IRAG1: variants seen among roughly 807,000 people sequenced by gnomAD.
IRAG1 encodes the protein inositol 1,4,5-triphosphate receptor associated 1, also known as IP3R-associated cGMP kinase substrate.
Under a neutral mutation model 106.2 loss-of-function variants are expected in IRAG1, and 62 were observed. The observed-to-expected ratio is 0.58, with a 90% CI of 0.48 to 0.72. IRAG1 has a LOEUF of 0.72. Ranked by LOEUF, IRAG1 falls within the 30% of genes least tolerant of loss-of-function variation. The pLI is 0.00. For synonymous variants in IRAG1, 462 were observed against 443.9 expected, an observed-to-expected ratio of 1.04 and a Z score of -0.51; for missense variants, 1,064 against 1,140.7, an observed-to-expected ratio of 0.93 and a Z score of 0.97.
chr11:10,690,226 C>A (rs1302857437), intron 1 of IRAG1: 2 of 363,994 alleles, frequency 5.5e-6, no homozygotes, highest in African/African-American at 4.5e-5. Context: ...TCCATCTTTA[C>A]TAAAAATGTA....
chr11:10,640,900 G>C (rs565071393), intron 2 of IRAG1, among the ~76,000 whole-genome samples: 79 of 152,306 alleles, frequency 5.2e-4, no homozygotes, highest in Non-Finnish European at 8.1e-4. Context: ...CTATCTCACA[G>C]GGTAGTTATA....
intron 18 of IRAG1, among the ~76,000 whole-genome samples, chr11:10,589,353 G>A (rs985548075): frequency 3.3e-5 from 5 of 152,142 alleles, no homozygotes; most frequent in East Asian, 3.8e-4. Flanking sequence ...CAGAAGATAC[G>A]AATTCACTTT....
chr11:10,624,597 G>A (rs186712710), intron 9 of IRAG1, among the ~76,000 whole-genome samples: 4,704 of 147,188 alleles, frequency 0.032, 117 homozygotes, highest in South Asian at 0.056. Context: ...GAGGGCACTT[G>A]GGAATGGTTT....
rs548362132 is a variant in IRAG1 at position 10,576,430 on chromosome 11, G to C, written c.2641C>G (p.Gln881Glu). Reference protein sequence around the residue: ...LYNSYNSCAEQADGPLGRSTC... With the variant: ...LYNSYNSCAEEADGPLGRSTC... ...GATCTTCCAAGGGGCCCATCAGCCT[G>C]CTCTGCACAAGAGTTATAGGAATTG... The change falls in exon 21 of 21, where the codon CAG becomes GAG. Residue 881 changes from glutamine to glutamate, a missense_variant. Coordinates refer to ENST00000423302, the MANE Select transcript of IRAG1 (RefSeq NM_130385.4). 1.9e-6 allele frequency: 3 copies of C among 1,613,992 alleles called. No individual in the cohort carries two copies. The highest frequency in any genetic ancestry group is 1.7e-5 in the Admixed American group (1 of 60,018).
At chr11:10,612,947 G>GA (rs1354476950) in intron 10 of IRAG1, among the ~76,000 whole-genome samples, 1 of 152,122 alleles carries the variant, frequency 6.6e-6, no homozygotes, top group African/African-American at 2.4e-5. Context: ...CAATTTATTG[G>GA]AAAAATGAAG....
At chr11:10,606,309 G>T (rs1050651295) in intron 12 of IRAG1, among the ~76,000 whole-genome samples, 1 of 152,198 alleles carries the variant, frequency 6.6e-6, no homozygotes, top group African/African-American at 2.4e-5. Context: ...TCCCGGCTCC[G>T]CTGAGCTGGC....
chr11:10,581,035 A>G (rs1298276562), intron 19 of IRAG1, among the ~76,000 whole-genome samples: 1 of 152,212 alleles, frequency 6.6e-6, no homozygotes, highest in Non-Finnish European at 1.5e-5. Flanking sequence ...TACTCAGTAA[A>G]TGTTTACGAA....
chr11:10,620,567 G>A (rs1306211404), intron 10 of IRAG1, among the ~76,000 whole-genome samples: 1 of 151,990 alleles, frequency 6.6e-6, no homozygotes, highest in Non-Finnish European at 1.5e-5. Context: ...GAGCTTCCTA[G>A]CAAATTAATT....
In IRAG1 at chr11:10,632,080, A is replaced by G. The variant is rs751508136; in HGVS notation, c.330-19T>C. ...GTGAACTCTGAAAGACAGAACAGTC[A>G]TCTTGTTCAGAAAATCAATCCACAA... On this transcript the variant is annotated intron_variant, in intron 3 of 20. Coordinates refer to ENST00000423302, the MANE Select transcript of IRAG1 (RefSeq NM_130385.4). The G allele has an allele frequency of 6.3e-7, 1 of 1,596,976 alleles. No individual in the cohort carries two copies. The highest frequency in any genetic ancestry group is 8.6e-7 in the Non-Finnish European group (1 of 1,164,460).
At chr11:10,598,335 G>A (rs1564899074) in intron 15 of IRAG1, among the ~76,000 whole-genome samples, 1 of 152,156 alleles carries the variant, frequency 6.6e-6, no homozygotes, top group East Asian at 1.9e-4. Flanking sequence ...TTAGACAAAG[G>A]TTTGCTTTAT....
chr11:10,608,809 T>A (rs547932533), intron 11 of IRAG1, among the ~76,000 whole-genome samples: 1 of 152,218 alleles, frequency 6.6e-6, no homozygotes, highest in Non-Finnish European at 1.5e-5. Context: ...TTGACACTGT[T>A]TGCAGCACAG....
At chr11:10,599,901 A>T (rs1399749871) in intron 15 of IRAG1, 2 of 152,210 alleles carry the variant, frequency 1.3e-5, no homozygotes, top group Non-Finnish European at 2.9e-5. Flanking sequence ...ATCTAAAAAT[A>T]AAGGCTGATT....
rs1188763158 is a variant in IRAG1 at position 10,626,006 on chromosome 11, A to G, written c.1328T>C (p.Val443Ala). Residue 443 changes from valine (V) to alanine (A), a missense_variant, in exon 9 of 21, where the codon GTG (valine) becomes GCG (alanine). Val to Ala is a moderately conservative substitution (Grantham distance 64, BLOSUM62 0). Transcript: ENST00000423302. ...CAGTTTCTGCATCCGCACGGGCTGC[A>G]CTTGTATCTGAAAGTCTTTGAGACC... ...APGLKDFQIQVQPVRMQKLTK... is the reference protein window; with the variant it reads ...APGLKDFQIQAQPVRMQKLTK... 2 of 1,505,206 alleles carry G rather than the reference A, an allele frequency of 1.3e-6. No individual in the cohort carries two copies. Among genetic ancestry groups the G allele is most frequent in the Admixed American group, 2.3e-5 (1 of 43,210 alleles). 93.2% of individuals were successfully genotyped at this position (1,505,206 alleles called of 1,614,324 possible).
chr11:10,676,088 T>C (rs1439275737), intron 1 of IRAG1, among the ~76,000 whole-genome samples: 2 of 152,230 alleles, frequency 1.3e-5, no homozygotes, highest in Non-Finnish European at 2.9e-5. Flanking sequence ...GATTTGATCT[T>C]TGTGATCATG....
intron 1 of IRAG1, among the ~76,000 whole-genome samples, chr11:10,654,190 C>T (rs938924206): frequency 5.9e-5 from 9 of 151,878 alleles, no homozygotes; most frequent in South Asian, 2.1e-4. Context: ...AGAGTCAGGG[C>T]ACTGGAGAAA....
chr11:10,616,142 A>G (rs192127429), intron 10 of IRAG1, among the ~76,000 whole-genome samples: 210 of 151,524 alleles, frequency 1.4e-3, no homozygotes, highest in African/African-American at 4.7e-3. Context: ...TAGCTCTACT[A>G]AAAATACAAA....
At chr11:10,619,219 C>T (rs980190407) in intron 10 of IRAG1, among the ~76,000 whole-genome samples, 1 of 152,190 alleles carries the variant, frequency 6.6e-6, no homozygotes, top group South Asian at 2.1e-4. Context: ...GTTGGAAAGA[C>T]TAGATGCAGC....
At chr11:10,669,212 A>C (rs760221324) in intron 1 of IRAG1, among the ~76,000 whole-genome samples, 3 of 152,184 alleles carry the variant, frequency 2.0e-5, no homozygotes, top group Non-Finnish European at 4.4e-5. Flanking sequence ...ATTCCTGACA[A>C]AAGCTCCTTT....
chr11:10,659,993 G>T lies in IRAG1; in HGVS notation c.68-7811C>A, dbSNP rs575110612. On this transcript the variant is annotated intron_variant, in intron 1 of 20. Coordinates refer to ENST00000423302, the MANE Select transcript of IRAG1 (RefSeq NM_130385.4). The surrounding 1 kb of genome is among the most constrained non-coding windows in gnomAD (Gnocchi z 4.1). ...ATCCCATAAAGGGCAGGGCACCGAG[G>T]GGTCTCCAGGAAGACATGGAGGATC... 6.6e-6 allele frequency among the ~76,000 whole-genome samples: 1 copy of T among 152,284 alleles called. No individual in the cohort carries two copies. Among genetic ancestry groups the T allele is most frequent in the African/African-American group, 2.4e-5 (1 of 41,548 alleles).
Sources: allele counts gnomAD v4.1 joint callset (sites outside exome capture counted in the v4.1 genomes callset), GRCh38; gene constraint gnomAD v4.1.1; non-coding constraint Gnocchi (gnomAD v3.1); transcripts MANE v1.5; gene names NCBI Gene and HGNC (gene_info 2026-07-23, HGNC 2026-07-21).